TENM3: variants seen among roughly 807,000 people sequenced by gnomAD.
The protein encoded by TENM3 is teneurin-3.
Under a neutral mutation model 255.1 loss-of-function variants are expected in TENM3, and 63 were observed. The observed-to-expected ratio is 0.25, with a 90% CI of 0.20 to 0.30. The LOEUF (loss-of-function observed/expected upper bound fraction) is 0.30, where lower values mean the gene tolerates loss of function less well. TENM3 is among the 10% of genes least tolerant of loss of function. The pLI, the probability that TENM3 is intolerant of heterozygous loss-of-function variation, is 1.00. For missense variants in TENM3, 2,929 were observed against 3,461.1 expected (o/e 0.85, Z 3.86); for synonymous variants, 1,306 against 1,322.3 (o/e 0.99, Z 0.27).
the TENM3 span, among the ~76,000 whole-genome samples, chr4:181,537,805 A>C: frequency 6.6e-6 from 1 of 152,214 alleles, no homozygotes; most frequent in African/African-American, 2.4e-5. Context: ...GTAACACAAC[A>C]ACTAAATTTA....
At chr4:181,834,425 T>C in the TENM3 span, among the ~76,000 whole-genome samples, 3 of 152,220 alleles carry the variant, frequency 2.0e-5, no homozygotes, top group Non-Finnish European at 4.4e-5. Flanking sequence ...TCACCAGTAT[T>C]CCAGGGGGCT....
At chr4:182,251,978 T>C (rs2150119983) in intron 1 of TENM3, among the ~76,000 whole-genome samples, 1 of 151,740 alleles carries the variant, frequency 6.6e-6, no homozygotes, top group Admixed American at 6.6e-5. Context: ...AGGTCAGGAG[T>C]TGGAGACCAG....
intron 11 of TENM3, 78 bp from the exon 12 acceptor site, chr4:182,688,088 A>G: frequency 7.5e-7 from 1 of 1,337,150 alleles, no homozygotes. Flanking sequence ...TGTGTGGAAG[A>G]TAAAAGCTGC....
At chr4:182,601,688 A>G (rs1747889860) in intron 4 of TENM3, among the ~76,000 whole-genome samples, 1 of 152,072 alleles carries the variant, frequency 6.6e-6, no homozygotes, top group African/African-American at 2.4e-5. Flanking sequence ...GATAGGACCT[A>G]CTCTCTAAAG....
rs575098080 is a variant in TENM3 at position 182,475,771 on chromosome 4, A to T, written c.512-125153A>T. ...ACATTTTACCTTTCTGTAGTCACAG[A>T]TGGTTTTAATGTCTGTCTGTATTGA... On this transcript the variant is annotated intron_variant, in intron 3 of 27. Coordinates refer to ENST00000511685, the MANE Select transcript of TENM3 (RefSeq NM_001080477.4). Among the ~76,000 whole-genome samples, 14 of 152,292 alleles carry T rather than the reference A, an allele frequency of 9.2e-5. No homozygotes were observed. In the East Asian group the frequency reaches 2.7e-3, roughly 29 times the overall value.
At chr4:181,474,617 C>A in the TENM3 span, among the ~76,000 whole-genome samples, 1 of 151,830 alleles carries the variant, frequency 6.6e-6, no homozygotes, top group African/African-American at 2.4e-5. Flanking sequence ...CGCCTGTAAT[C>A]CTTGCTACTT....
chr4:182,454,080 G>A (rs1478919734), intron 3 of TENM3, among the ~76,000 whole-genome samples: 3 of 152,148 alleles, frequency 2.0e-5, no homozygotes, highest in African/African-American at 4.8e-5. Flanking sequence ...ATTTGGATTT[G>A]TGAGGTCGAA....
At chr4:182,571,248 A>G (rs568670091) in intron 3 of TENM3, among the ~76,000 whole-genome samples, 3 of 152,178 alleles carry the variant, frequency 2.0e-5, no homozygotes, top group African/African-American at 7.2e-5. Context: ...ACCTTAGGCC[A>G]GGCACGATGG....
chr4:182,202,367 G>A (rs1326020459), intron 1 of TENM3, among the ~76,000 whole-genome samples: 1 of 148,000 alleles, frequency 6.8e-6, no homozygotes, highest in Non-Finnish European at 1.5e-5. Context: ...GTGCAGTGGT[G>A]CAATCTCGGC....
chr4:182,392,611 G>A (rs1289718453), intron 3 of TENM3, among the ~76,000 whole-genome samples: 2 of 152,190 alleles, frequency 1.3e-5, no homozygotes, highest in African/African-American at 4.8e-5. Context: ...GCCCATGTGG[G>A]GAGCGCTGAG....
chr4:182,308,196 C>T (rs1762243112), intron 1 of TENM3, among the ~76,000 whole-genome samples: 1 of 152,196 alleles, frequency 6.6e-6, no homozygotes, highest in African/African-American at 2.4e-5. Context: ...CTGAACTGGG[C>T]AACCGCAAAG....
In TENM3 at chr4:182,755,130, C is replaced by G; in HGVS notation, c.4763C>G (p.Thr1588Arg). The G allele has an allele frequency of 6.2e-7, 1 of 1,613,872 alleles. No homozygotes were observed. The highest frequency in any genetic ancestry group is 8.5e-7 in the Non-Finnish European group (1 of 1,179,880). ...VSPDNQVIWL[T>R]IGTNGCLKSM... ...CCTGATAACCAAGTGATATGGTTGA[C>G]AATAGGAACAAATGGATGTTTGAAA... is the stretch of plus-strand genomic sequence containing the variant. The change falls in exon 22 of 28, where the codon ACA (threonine) becomes AGA (arginine). Residue 1588 changes from threonine (T) to arginine (R), a missense_variant. By Grantham distance (71) the Thr-to-Arg change is moderately conservative. This residue lies in a region of TENM3 where 1,608 missense variants were observed against 1,884.4 expected (regional missense o/e 0.85). Coordinates refer to ENST00000511685, the MANE Select transcript of TENM3 (RefSeq NM_001080477.4).
chr4:182,779,427 A>G (rs1475104771), intron 24 of TENM3, among the ~76,000 whole-genome samples: 7 of 152,086 alleles, frequency 4.6e-5, no homozygotes, highest in African/African-American at 1.7e-4. Context: ...CATGGTGTAT[A>G]TGTGCCACAT....
At chr4:182,146,811 G>A (rs945783731) in intron 1 of TENM3, among the ~76,000 whole-genome samples, 13 of 152,126 alleles carry the variant, frequency 8.5e-5, no homozygotes, top group Non-Finnish European at 1.3e-4. Context: ...TGATTATTGG[G>A]AATAAAGCAG....
At chr4:182,549,949 G>C (rs1298009992) in intron 3 of TENM3, among the ~76,000 whole-genome samples, 1 of 152,074 alleles carries the variant, frequency 6.6e-6, no homozygotes, top group Non-Finnish European at 1.5e-5. Flanking sequence ...AATTGCAATT[G>C]GTTTTTTCAT....
chr4:182,176,684 T>C (rs1752507395), intron 1 of TENM3, among the ~76,000 whole-genome samples: 1 of 152,070 alleles, frequency 6.6e-6, no homozygotes, highest in Non-Finnish European at 1.5e-5. Context: ...TTTTGTTTTT[T>C]TGAGACGGAG....
intron 12 of TENM3, among the ~76,000 whole-genome samples, chr4:182,701,673 T>C (rs1757889454): frequency 6.6e-6 from 1 of 152,226 alleles, no homozygotes; most frequent in Non-Finnish European, 1.5e-5. Context: ...ACTCTAACTC[T>C]TCCCTGCCCC....
chr4:182,684,993 C>G (rs1430494989), intron 11 of TENM3, among the ~76,000 whole-genome samples: 1 of 152,162 alleles, frequency 6.6e-6, no homozygotes, highest in Non-Finnish European at 1.5e-5. Flanking sequence ...GAGTCAGTAT[C>G]AGCATGACAG....
At chr4:182,069,760 C>T in the TENM3 span, among the ~76,000 whole-genome samples, 5 of 151,834 alleles carry the variant, frequency 3.3e-5, no homozygotes, top group African/African-American at 9.7e-5. Flanking sequence ...CAGGTCATGA[C>T]AGCTCTCCCT....
Sources: allele counts gnomAD v4.1 joint callset (sites outside exome capture counted in the v4.1 genomes callset), GRCh38; gene constraint gnomAD v4.1.1; regional missense constraint gnomAD v4.1.1; transcripts MANE v1.5; gene names NCBI Gene and HGNC (gene_info 2026-07-23, HGNC 2026-07-21).